The following NF2 variants were observed in gnomAD, a reference collection of about 807,000 sequenced individuals.
The protein encoded by NF2 is merlin.
Under a neutral mutation model 83.7 loss-of-function variants are expected in NF2, and 8 were observed. That is an observed-to-expected ratio of 0.10 (90% confidence interval 0.06 to 0.17). NF2 has a LOEUF of 0.17. NF2 is among the 10% of genes least tolerant of loss of function. NF2 has a pLI of 1.00. For missense variants in NF2, 533 were observed against 744.4 expected (o/e 0.72, Z 3.31); for synonymous variants, 266 against 269.6 (o/e 0.99, Z 0.13).
At chr22:29,638,412 G>A (rs571013422) in intron 2 of NF2, among the ~76,000 whole-genome samples, 72 of 150,042 alleles carry the variant, frequency 4.8e-4, no homozygotes, top group Middle Eastern at 3.4e-3. Flanking sequence ...GTACAATGAC[G>A]CAGTCTCGGC....
chr22:29,672,590 G>A (rs1371292234), intron 11 of NF2, among the ~76,000 whole-genome samples: 10 of 151,532 alleles, frequency 6.6e-5, no homozygotes, highest in East Asian at 1.9e-4. Flanking sequence ...GGGATTATAG[G>A]TGTTAGCCAC....
intron 6 of NF2, among the ~76,000 whole-genome samples, chr22:29,655,991 T>G (rs2066294932): frequency 6.6e-6 from 1 of 151,884 alleles, no homozygotes; most frequent in South Asian, 2.1e-4. Context: ...CAGGCTGAAA[T>G]GCAGTGGCGC....
Position 29,665,003 on chromosome 22 carries a change from C to T in NF2, c.824C>T (p.Pro275Leu), listed in dbSNP as rs2147033330. The change falls in exon 9 of 16, where the codon CCA (proline) becomes CTA (leucine). Residue 275 changes from proline to leucine, a missense_variant. Transcript: ENST00000338641. ...SYSDKEFTIK[P>L]LDKKIDVFKF... is the part of the protein sequence containing the mutation. ...TCATTCTTCCAGTTTACTATTAAACCACTGGATAAGAAAATTGATGTCTTC... is the reference window on the plus strand; with the variant it reads ...TCATTCTTCCAGTTTACTATTAAACTACTGGATAAGAAAATTGATGTCTTC... 1 of 1,611,612 alleles carries T rather than the reference C, an allele frequency of 6.2e-7. No homozygotes were observed. Among genetic ancestry groups the T allele is most frequent in the Non-Finnish European group, 8.5e-7 (1 of 1,177,768 alleles).
At chr22:29,633,089 AG>A (rs1247925417) in intron 1 of NF2, among the ~76,000 whole-genome samples, 1 of 152,254 alleles carries the variant, frequency 6.6e-6, no homozygotes, top group African/African-American at 2.4e-5. Flanking sequence ...CATTTGGGGA[AG>A]GGCTTGTTGG....
chr22:29,605,468 C>G lies in NF2; in HGVS notation c.114+1356C>G, dbSNP rs377749431. Among the ~76,000 whole-genome samples, 4 of 152,120 alleles carry G rather than the reference C, an allele frequency of 2.6e-5. No individual in the cohort carries two copies. In the South Asian group the frequency reaches 6.2e-4, roughly 24 times the overall value. On this transcript the variant is annotated intron_variant, in intron 1 of 15. Coordinates refer to ENST00000338641, the MANE Select transcript of NF2 (RefSeq NM_000268.4). ...CGATTACAGATGTGAGCCACCCCGC[C>G]CAGCCTCACCTAGCTAATTTTTGTA... is the stretch of plus-strand genomic sequence containing the variant.
chr22:29,664,068 G>T (rs1479383355), intron 8 of NF2, among the ~76,000 whole-genome samples: 3 of 152,098 alleles, frequency 2.0e-5, no homozygotes, highest in African/African-American at 7.2e-5. Context: ...CCCATGTTCA[G>T]AAACCTGTGG....
At chr22:29,618,184 A>G (rs1886785782) in intron 1 of NF2, among the ~76,000 whole-genome samples, 1 of 152,222 alleles carries the variant, frequency 6.6e-6, no homozygotes, top group Admixed American at 6.5e-5. Flanking sequence ...AAGTAATCAT[A>G]GTTTGATTTA....
chr22:29,662,081 A>C (rs1033351007), intron 8 of NF2, among the ~76,000 whole-genome samples: 2 of 152,170 alleles, frequency 1.3e-5, no homozygotes, highest in African/African-American at 2.4e-5. Context: ...TTACTCATCC[A>C]TCCATTCATT....
chr22:29,688,930 C>T (rs922583004), intron 15 of NF2, among the ~76,000 whole-genome samples: 1 of 152,114 alleles, frequency 6.6e-6, no homozygotes, highest in Non-Finnish European at 1.5e-5. Flanking sequence ...CCTGTAATCC[C>T]AGCACTTTGG....
intron 12 of NF2, 85 bp from the exon 13 acceptor site, chr22:29,674,751 G>T (rs2066908750): frequency 2.5e-6 from 3 of 1,195,936 alleles, no homozygotes; most frequent in East Asian, 2.5e-5. Flanking sequence ...GTTAGCCCAG[G>T]TCCCTCCTCT....
At chr22:29,658,384 AGAAGGAAAGAG>A in intron 7 of NF2, 120 bp downstream of exon 7, 1 of 908,050 alleles carries the variant, frequency 1.1e-6, no homozygotes, top group Non-Finnish European at 1.8e-6. Context: ...TCTGTGGTAA[AGAAGGAAAGAG>A]GAAGGAAAGA....
chr22:29,662,050 C>T (rs748405372), intron 8 of NF2, among the ~76,000 whole-genome samples: 10 of 152,048 alleles, frequency 6.6e-5, no homozygotes, highest in Admixed American at 1.3e-4. Flanking sequence ...CAAAAAGGTC[C>T]CATAATGTAT....
At chr22:29,609,361 C>T (rs2064889227) in intron 1 of NF2, 3 of 621,856 alleles carry the variant, frequency 4.8e-6, no homozygotes, top group Admixed American at 3.8e-5. Context: ...TAGATCCTGA[C>T]ACTGTCCATA....
chr22:29,621,524 G>A (rs151269652), intron 1 of NF2, among the ~76,000 whole-genome samples: 202 of 152,010 alleles, frequency 1.3e-3, no homozygotes, highest in African/African-American at 4.6e-3. Context: ...AAAATTAGCC[G>A]GTTGTGGTGG....
At chr22:29,653,213 A>C (rs2066200159) in intron 4 of NF2, among the ~76,000 whole-genome samples, 1 of 152,190 alleles carries the variant, frequency 6.6e-6, no homozygotes, top group African/African-American at 2.4e-5. Context: ...TGGGAGGCTG[A>C]GGCGGGCAGA....
rs2067484762 is a variant in NF2, at chr22:29,694,279, C to T, written c.1738-473C>T. Among the ~76,000 whole-genome samples the T allele has an allele frequency of 1.3e-5, 2 of 152,228 alleles. No individual in the cohort carries two copies. Among genetic ancestry groups the T allele is most frequent in the African/African-American group, 4.8e-5 (2 of 41,460 alleles). Reference sequence around the variant, plus strand: ...CTCTTCCTCATCTGCCACAGGCCTGCCTTGCCTCAGGCCACGTCACCTTAC... The same window carrying T: ...CTCTTCCTCATCTGCCACAGGCCTGTCTTGCCTCAGGCCACGTCACCTTAC... On this transcript the variant is annotated intron_variant, in intron 15 of 15. Transcript: ENST00000338641. The surrounding 1 kb of genome is among the most constrained non-coding windows in gnomAD (Gnocchi z 4.1).
chr22:29,656,407 C>CTTTTTTTT (rs59440855), intron 6 of NF2, among the ~76,000 whole-genome samples: 3 of 81,702 alleles, frequency 3.7e-5, no homozygotes, highest in Admixed American at 1.6e-4. Context: ...GGGATATATT[C>CTTTTTTTT]TTTTTTTTTT....
chr22:29,604,744 C>T (rs1601517594), intron 1 of NF2, among the ~76,000 whole-genome samples: 1 of 152,260 alleles, frequency 6.6e-6, no homozygotes, highest in East Asian at 1.9e-4. Flanking sequence ...GTTCTTGCTG[C>T]TAAAAGTGTG....
Position 29,630,530 on chromosome 22 carries a change from G to A in NF2, c.115-6221G>A, listed in dbSNP as rs147684178. On this transcript the variant is annotated intron_variant, in intron 1 of 15. Transcript: ENST00000338641. ...ACAGCCACAAAGGCGAGAAGCATCC[G>A]ACTTCCAGACTCCTCCTATTAGTCT... Among the ~76,000 whole-genome samples, 359 of 152,334 alleles carry A rather than the reference G, an allele frequency of 2.4e-3. 3 individuals are homozygous for A. Among genetic ancestry groups the A allele is most frequent in the African/African-American group, 7.5e-3 (313 of 41,580 alleles).
Sources: gnomAD v4.1 joint callset for allele counts (sites outside exome capture counted in the v4.1 genomes callset) on GRCh38, gnomAD v4.1.1 for gene constraint, Gnocchi (gnomAD v3.1) non-coding constraint, MANE v1.5 for transcripts, NCBI Gene and HGNC (gene_info 2026-07-23, HGNC 2026-07-21) for gene names.